CDC42BPA: variants seen among roughly 807,000 people sequenced by gnomAD.
CDC42BPA encodes serine/threonine-protein kinase MRCK alpha.
In CDC42BPA, 80 loss-of-function variants were observed where a neutral mutation model predicts 223.5. The ratio of observed to expected loss-of-function variants is 0.36; its 90% CI spans 0.30 to 0.43. The LOEUF is 0.43. Ranked by LOEUF, CDC42BPA falls within the 20% of genes least tolerant of loss-of-function variation. The pLI, the probability that CDC42BPA is intolerant of heterozygous loss-of-function variation, is 1.00. For missense variants in CDC42BPA, 1,743 were observed against 2,099.9 expected, an observed-to-expected ratio of 0.83 and a Z score of 3.32; for synonymous variants, 694 against 718.6, an observed-to-expected ratio of 0.97 and a Z score of 0.55.
rs186993964 is a variant in CDC42BPA, at chr1:227,152,056, T to C, written c.694-4497A>G. Among the ~76,000 whole-genome samples the C allele has an allele frequency of 3.7e-3, 559 of 152,046 alleles. 3 individuals are homozygous for C. The highest frequency in any genetic ancestry group is 0.013 in the African/African-American group (540 of 41,512). ...AATAAAATACAAATAAATAAATACC[T>C]TGTCCATTTTTTAACAGGGTCCTTT... is the stretch of plus-strand genomic sequence containing the variant. On this transcript the variant is annotated intron_variant, in intron 6 of 36. Transcript: ENST00000366766.
chr1:227,148,778 A>AG (rs1196929500), intron 6 of CDC42BPA, among the ~76,000 whole-genome samples: 11 of 21,088 alleles, frequency 5.2e-4, no homozygotes, highest in South Asian at 3.5e-3. Context: ...AAAGCAAAAA[A>AG]AAAAAAAAAA....
chr1:227,239,025 T>C (rs958174921), intron 2 of CDC42BPA, among the ~76,000 whole-genome samples: 1 of 151,812 alleles, frequency 6.6e-6, no homozygotes, highest in Non-Finnish European at 1.5e-5. Flanking sequence ...AGAAAAAACA[T>C]TCTTTTCAAG....
At position 227,291,833 on chromosome 1, in the gene CDC42BPA, C is replaced by A. The variant is rs183959412; in HGVS notation, c.178+25172G>T. ...TACTATCATTTAAACTTTTTTTATTCCAATACTGAAGTTAAGACATGTACC... is the reference window on the plus strand; with the variant it reads ...TACTATCATTTAAACTTTTTTTATTACAATACTGAAGTTAAGACATGTACC... On this transcript the variant is annotated intron_variant, in intron 1 of 36. Transcript: ENST00000366766. Among the ~76,000 whole-genome samples the A allele has an allele frequency of 2.6e-3, 389 of 151,516 alleles. 9 individuals are homozygous for A. The East Asian group carries it at 0.048, about 19-fold the overall frequency.
chr1:227,148,155 T>A (rs539360551), intron 6 of CDC42BPA, among the ~76,000 whole-genome samples: 1 of 152,212 alleles, frequency 6.6e-6, no homozygotes, highest in African/African-American at 2.4e-5. Context: ...TAGGTTTAAT[T>A]AGAAAACAGG....
intron 6 of CDC42BPA, among the ~76,000 whole-genome samples, chr1:227,158,528 T>C (rs1464785803): frequency 1.3e-5 from 2 of 152,306 alleles, no homozygotes; most frequent in East Asian, 1.9e-4. Context: ...AGCTTACAGA[T>C]ACACTCTGTG....
At chr1:227,114,548 T>C (rs1273919541) in intron 12 of CDC42BPA, among the ~76,000 whole-genome samples, 1 of 151,694 alleles carries the variant, frequency 6.6e-6, no homozygotes, top group Non-Finnish European at 1.5e-5. Context: ...CAAATGTGTA[T>C]ATAAGATTAT....
chr1:227,025,565 A>G (rs1235611355), intron 31 of CDC42BPA, among the ~76,000 whole-genome samples: 2 of 152,322 alleles, frequency 1.3e-5, no homozygotes, highest in East Asian at 3.9e-4. Context: ...ACAGGATTAT[A>G]TATTAAGAAA....
At chr1:227,016,482 T>C (rs1329025265) in intron 33 of CDC42BPA, among the ~76,000 whole-genome samples, 1 of 152,186 alleles carries the variant, frequency 6.6e-6, no homozygotes, top group Non-Finnish European at 1.5e-5. Context: ...GAACATTTTA[T>C]GTATCTCTTT....
At chr1:227,255,167 C>T (rs923781133) in intron 1 of CDC42BPA, among the ~76,000 whole-genome samples, 1 of 152,186 alleles carries the variant, frequency 6.6e-6, no homozygotes, top group African/African-American at 2.4e-5. Context: ...CCTTTCCTCT[C>T]CTCAGGTCCC....
At chr1:227,073,828 A>G in intron 19 of CDC42BPA, 36 bp downstream of exon 19, 1 of 1,438,544 alleles carries the variant, frequency 7.0e-7, no homozygotes, top group Non-Finnish European at 9.3e-7. Context: ...ACAAACTTAG[A>G]AATTATTCTA....
At chr1:227,141,506 A>G (rs1420035868) in intron 9 of CDC42BPA, among the ~76,000 whole-genome samples, 1 of 152,204 alleles carries the variant, frequency 6.6e-6, no homozygotes, top group Admixed American at 6.5e-5. Context: ...ATCCATGAAA[A>G]GAACAGAGAA....
intron 1 of CDC42BPA, among the ~76,000 whole-genome samples, chr1:227,297,776 C>T (rs72632815): frequency 0.31 from 46,281 of 151,026 alleles, 7,203 homozygotes; most frequent in East Asian, 0.37. Context: ...TTACCACAAA[C>T]TGGGGAAAGG....
At chr1:227,028,602 G>C in intron 30 of CDC42BPA, 55 bp downstream of exon 30, 1 of 1,214,972 alleles carries the variant, frequency 8.2e-7, no homozygotes, top group Non-Finnish European at 1.2e-6. Context: ...CGAAGTAGAA[G>C]GGAAAAGGAA....
intron 5 of CDC42BPA, among the ~76,000 whole-genome samples, chr1:227,183,851 T>C (rs1668338225): frequency 6.6e-6 from 1 of 152,254 alleles, no homozygotes. Context: ...ATATCCTTGC[T>C]AGCATTTAGT....
chr1:227,152,345 T>C (rs1197793302), intron 6 of CDC42BPA, among the ~76,000 whole-genome samples: 1 of 152,188 alleles, frequency 6.6e-6, no homozygotes, highest in Non-Finnish European at 1.5e-5. Flanking sequence ...TCTAAGAGTT[T>C]CACAGTTTTA....
At position 227,129,200 on chromosome 1, in the gene CDC42BPA, A is replaced by G. The variant is rs1220798054; in HGVS notation, c.1422T>C (p.Tyr474=). ...CTGTTAGTGGACCATCAACAGTTGA[A>G]TACTGCAGAGCTTGGACAGTCTGTG... ...ESTQTVQALQ[Y]STVDGPLTAS... Residue 474 remains tyrosine (Y), a synonymous_variant, in exon 11 of 37, where the codon TAT becomes TAC. Transcript: ENST00000366766. The G allele has an allele frequency of 1.3e-6, 2 of 1,598,678 alleles. No homozygotes were observed. The highest frequency in any genetic ancestry group is 1.3e-5 in the African/African-American group (1 of 74,242).
chr1:227,132,297 G>T (rs894002920), intron 10 of CDC42BPA, among the ~76,000 whole-genome samples: 3 of 152,122 alleles, frequency 2.0e-5, no homozygotes, highest in Admixed American at 2.0e-4. Flanking sequence ...CACCTGACTG[G>T]TTTTCGTATT....
intron 15 of CDC42BPA, among the ~76,000 whole-genome samples, chr1:227,094,721 T>A (rs1243882900): frequency 6.6e-6 from 1 of 152,252 alleles, no homozygotes; most frequent in African/African-American, 2.4e-5. Context: ...TGTGGTTTAA[T>A]GTGTTGACTC....
At chr1:227,123,031 C>T (rs760601375) in intron 11 of CDC42BPA, among the ~76,000 whole-genome samples, 5 of 152,206 alleles carry the variant, frequency 3.3e-5, no homozygotes, top group South Asian at 4.2e-4. Flanking sequence ...GGCCGGGCAC[C>T]ATGGTTCATG....
Sources: allele counts gnomAD v4.1 joint callset (sites outside exome capture counted in the v4.1 genomes callset), GRCh38; gene constraint gnomAD v4.1.1; transcripts MANE v1.5; gene names NCBI Gene and HGNC (gene_info 2026-07-23, HGNC 2026-07-21).